AK3: variants seen among roughly 807,000 people sequenced by gnomAD.
AK3 encodes adenylate kinase 3.
In AK3, 27 loss-of-function variants were observed where a neutral mutation model predicts 23.7. The ratio of observed to expected loss-of-function variants is 1.14; its 90% CI spans 0.84 to 1.57. The LOEUF (loss-of-function observed/expected upper bound fraction) is 1.57. Ranked by LOEUF, AK3 falls within the 40% of genes most tolerant of loss-of-function variation. AK3 has a pLI of 0.00. For missense variants in AK3, 406 were observed against 285.6 expected, an observed-to-expected ratio of 1.42 and a Z score of -3.04; for synonymous variants, 159 against 116.0, an observed-to-expected ratio of 1.37 and a Z score of -2.38.
At chr9:4,723,646 C>A (rs1333117907) in intron 1 of AK3, among the ~76,000 whole-genome samples, 2 of 152,200 alleles carry the variant, frequency 1.3e-5, no homozygotes, top group East Asian at 3.9e-4. Flanking sequence ...CTTTTTGTCA[C>A]TTAGCATTAT....
intron 1 of AK3, among the ~76,000 whole-genome samples, chr9:4,728,832 CATATATATATATATATATAT>C (rs145541536): frequency 1.2e-5 from 1 of 86,858 alleles, no homozygotes; most frequent in African/African-American, 3.7e-5. Flanking sequence ...CATGTCTCTA[CATATATATATATATATATAT>C]ATATATATAT....
Position 4,740,928 on chromosome 9 carries a change from A to G in AK3, c.151+9T>C. On this transcript the variant is annotated intron_variant, in intron 1 of 4. Coordinates refer to ENST00000381809, the MANE Select transcript of AK3 (RefSeq NM_016282.4). ...AGCGCACGGCCGGCCCTGGGCCCAG[A>G]GCTCCCACCTGTGCCCCGCAGCATG... is the stretch of plus-strand genomic sequence containing the variant. 6.5e-7 allele frequency: 1 copy of G among 1,547,668 alleles called. No individual in the cohort carries two copies. Among genetic ancestry groups the G allele is most frequent in the East Asian group, 2.6e-5 (1 of 38,008 alleles).
At chr9:4,713,587 T>C (rs545919651) in intron 4 of AK3, among the ~76,000 whole-genome samples, 2 of 152,258 alleles carry the variant, frequency 1.3e-5, no homozygotes, top group South Asian at 2.1e-4. Flanking sequence ...TACTTGAGTA[T>C]CTTTCCTTTT....
rs146101604 is a variant in AK3 at position 4,722,610 on chromosome 9, G to C, written c.167C>G (p.Ala56Gly). 1.2e-6 allele frequency: 2 copies of C among 1,614,134 alleles called. No individual in the cohort carries two copies. The highest frequency in any genetic ancestry group is 1.3e-5 in the African/African-American group (1 of 75,038). Reference protein sequence around the residue: ...MLRGTEIGVLAKAFIDQGKLI... With the variant: ...MLRGTEIGVLGKAFIDQGKLI... ...TTTCCCTTGGTCAATGAAAGCCTTG[G>C]CTAACACGCCAATTTCTACAGCAAA... Residue 56 changes from alanine (A) to glycine (G), a missense_variant, in exon 2 of 5, where the codon GCC (alanine) becomes GGC (glycine). Transcript: ENST00000381809.
intron 1 of AK3, among the ~76,000 whole-genome samples, chr9:4,722,998 G>C (rs1433318873): frequency 6.6e-6 from 1 of 152,196 alleles, no homozygotes; most frequent in Non-Finnish European, 1.5e-5. Context: ...TTGAACCCAG[G>C]AGGCAGAGGT....
intron 1 of AK3, among the ~76,000 whole-genome samples, chr9:4,734,027 C>T (rs1260987613): frequency 6.6e-6 from 1 of 152,130 alleles, no homozygotes; most frequent in East Asian, 1.9e-4. Context: ...AAGTATGTCT[C>T]CCCTAAATCT....
rs533502633 is a variant in AK3, at chr9:4,736,756, C to T, written c.151+4181G>A. Among the ~76,000 whole-genome samples, 4 of 151,846 alleles carry T rather than the reference C, an allele frequency of 2.6e-5. No homozygotes were observed. The South Asian group carries it at 8.3e-4, about 31-fold the overall frequency. Reference sequence around the variant, plus strand: ...ACTGTGGTGCTATCACAGCCCACTGCAGCCTCGAACTCCTGAGTTCAAACA... The same window carrying T: ...ACTGTGGTGCTATCACAGCCCACTGTAGCCTCGAACTCCTGAGTTCAAACA... On this transcript the variant is annotated intron_variant, in intron 1 of 4. Transcript: ENST00000381809.
chr9:4,714,079 T>C (rs1841646397), intron 4 of AK3, among the ~76,000 whole-genome samples: 3 of 5,262 alleles, frequency 5.7e-4, no homozygotes, highest in South Asian at 6.8e-3. Context: ...CCTACACATA[T>C]ACACACCTAC....
intron 1 of AK3, among the ~76,000 whole-genome samples, chr9:4,733,606 C>CAA (rs1364522137): frequency 6.6e-6 from 1 of 152,216 alleles, no homozygotes; most frequent in Non-Finnish European, 1.5e-5. Flanking sequence ...CTCAATCTCT[C>CAA]TCCTCTTCAG....
intron 1 of AK3, among the ~76,000 whole-genome samples, chr9:4,736,711 C>G (rs1842302663): frequency 6.6e-6 from 1 of 151,454 alleles, no homozygotes; most frequent in Admixed American, 6.6e-5. Context: ...GAGACAGGGT[C>G]TCACTCTGTC....
intron 1 of AK3, among the ~76,000 whole-genome samples, chr9:4,731,897 A>G (rs868239918): frequency 2.4e-4 from 36 of 152,154 alleles, no homozygotes; most frequent in African/African-American, 7.7e-4. Context: ...GGGGATGAAG[A>G]TCTTTATGAC....
At chr9:4,731,883 C>T (rs919616148) in intron 1 of AK3, among the ~76,000 whole-genome samples, 2 of 152,152 alleles carry the variant, frequency 1.3e-5, no homozygotes, top group Non-Finnish European at 2.9e-5. Flanking sequence ...GACATGAAGA[C>T]AATGGGGATG....
intron 4 of AK3, among the ~76,000 whole-genome samples, chr9:4,715,794 G>A (rs1455097456): frequency 1.3e-5 from 2 of 152,170 alleles, no homozygotes; most frequent in Admixed American, 1.3e-4. Context: ...CAGTGGTGGT[G>A]TTATCTGCCC....
Position 4,712,458 on chromosome 9 carries a change from A to C in AK3, c.*518T>G, listed in dbSNP as rs1233562127. The C allele has an allele frequency of 6.6e-6, 1 of 152,344 alleles. No homozygotes were observed. Among genetic ancestry groups the C allele is most frequent in the Non-Finnish European group, 1.5e-5 (1 of 68,128 alleles). 9.4% of individuals were successfully genotyped at this position (152,344 alleles called of 1,614,324 possible). ...ATACATTTCTTAGTGTAAAGGCAGC[A>C]GTGAATTTGTGTCTCACAATAAATC... On this transcript the variant is annotated 3_prime_UTR_variant, in exon 5 of 5. Coordinates refer to ENST00000381809, the MANE Select transcript of AK3 (RefSeq NM_016282.4).
rs149619243 is a variant in AK3, at chr9:4,739,021, G to T, written c.151+1916C>A. Among the ~76,000 whole-genome samples, 883 of 151,974 alleles carry T rather than the reference G, an allele frequency of 5.8e-3. 11 individuals are homozygous for T. Among genetic ancestry groups the T allele is most frequent in the African/African-American group, 0.02 (841 of 41,452 alleles). On this transcript the variant is annotated intron_variant, in intron 1 of 4. Transcript: ENST00000381809. The stretch of plus-strand genomic sequence containing the variant: ...ATTCCTGACCTCAAGTGACCTGCCC[G>T]ACTCAGCCCCCAAAGTGCTGGGATT...
intron 2 of AK3, among the ~76,000 whole-genome samples, chr9:4,721,268 T>C (rs924534438): frequency 6.6e-6 from 1 of 151,876 alleles, no homozygotes; most frequent in African/African-American, 2.4e-5. Context: ...CCACGTGTGC[T>C]GGTGGGCACC....
chr9:4,739,005 C>T (rs10974760), intron 1 of AK3, among the ~76,000 whole-genome samples: 27,152 of 151,770 alleles, frequency 0.18, 3,073 homozygotes, highest in East Asian at 0.44. Flanking sequence ...AATTCCTGAC[C>T]TCAAGTGACC....
chr9:4,733,409 G>A, intron 1 of AK3, among the ~76,000 whole-genome samples: 1 of 152,178 alleles, frequency 6.6e-6, no homozygotes, highest in Non-Finnish European at 1.5e-5. Context: ...AAGGAGATGT[G>A]CATGGAAGGG....
chr9:4,739,951 C>G (rs1791128886), intron 1 of AK3, among the ~76,000 whole-genome samples: 1 of 151,080 alleles, frequency 6.6e-6, no homozygotes, highest in African/African-American at 2.4e-5. Flanking sequence ...AAAAGTAAAC[C>G]TTTCTAGAAG....
Sources: allele counts gnomAD v4.1 joint callset (sites outside exome capture counted in the v4.1 genomes callset), GRCh38; gene constraint gnomAD v4.1.1; transcripts MANE v1.5; gene names NCBI Gene and HGNC (gene_info 2026-07-23, HGNC 2026-07-21).